The following SLC28A1 variants were observed in gnomAD, a reference collection of about 807,000 sequenced individuals.
SLC28A1 encodes solute carrier family 28 member 1, also known as sodium/nucleoside cotransporter 1.
A neutral mutation model predicts 74.8 loss-of-function variants in SLC28A1; 64 were observed. The observed-to-expected ratio is 0.86, with a 90% CI of 0.70 to 1.05. The LOEUF (loss-of-function observed/expected upper bound fraction) is 1.05, where lower values mean the gene tolerates loss of function less well. Among genes scored for constraint, SLC28A1 ranks in the 50% least tolerant of loss-of-function variants. SLC28A1 has a pLI of 0.00. For synonymous variants in SLC28A1, 359 were observed against 335.0 expected, an observed-to-expected ratio of 1.07 and a Z score of -0.78; for missense variants, 828 against 822.8, an observed-to-expected ratio of 1.01 and a Z score of -0.08.
chr15:84,896,229 T>C (rs1965981338), intron 6 of SLC28A1, among the ~76,000 whole-genome samples: 1 of 152,220 alleles, frequency 6.6e-6, no homozygotes, highest in Non-Finnish European at 1.5e-5. Flanking sequence ...GTACAAATCA[T>C]ATGTCTGCAT....
intron 1 of SLC28A1, chr15:84,886,177 T>C: frequency 2.0e-6 from 2 of 985,400 alleles, no homozygotes. Flanking sequence ...TGGTGTGATT[T>C]GGTTTTGTTT....
chr15:84,933,672 T>G (rs143039394), intron 13 of SLC28A1, among the ~76,000 whole-genome samples: 2 of 152,126 alleles, frequency 1.3e-5, no homozygotes, highest in East Asian at 3.9e-4. Context: ...CTCTTCTTCT[T>G]CTTAAGAAGC....
In SLC28A1 at chr15:84,926,809, G is replaced by GT. The variant is rs567451179; in HGVS notation, c.1083+2699_1083+2700insT. On this transcript the variant is annotated intron_variant, in intron 12 of 18. Transcript: ENST00000394573. ...TGTGTGGGGGGTGGGGGGAGGGGGG[G>GT]GGTGGTGGTAGGCGGTGACCAGAAA... 3.9e-3 allele frequency among the ~76,000 whole-genome samples: 556 copies of GT among 140,992 alleles called. 6 individuals carry two copies. Among genetic ancestry groups the GT allele is most frequent in the African/African-American group, 0.014 (516 of 38,202 alleles). The allele number at this position is 140,992 out of a possible 152,430, so 92.5% of individuals were successfully genotyped here.
chr15:84,895,799 C>T, intron 6 of SLC28A1: 1 of 1,167,862 alleles, frequency 8.6e-7, no homozygotes, highest in Non-Finnish European at 1.1e-6. Context: ...AGTCTGAAGA[C>T]CACCAGTCTA....
chr15:84,895,199 A>C, intron 6 of SLC28A1, 76 bp downstream of exon 6: 1 of 1,591,334 alleles, frequency 6.3e-7, no homozygotes, highest in Non-Finnish European at 8.6e-7. Context: ...GGTTATGGCC[A>C]GGGCTGGAGG....
chr15:84,961,432 A>C, the SLC28A1 span: 1 of 442,814 alleles, frequency 2.3e-6, no homozygotes, highest in South Asian at 1.6e-5. Flanking sequence ...CCTGGGCTCA[A>C]GGGATCTTCC....
chr15:84,898,168 C>T (rs1386913002), intron 6 of SLC28A1, among the ~76,000 whole-genome samples: 7 of 151,412 alleles, frequency 4.6e-5, no homozygotes, highest in Non-Finnish European at 1.0e-4. Context: ...GTGGAATTAC[C>T]GAATCATATG....
At chr15:84,925,069 T>TA (rs1970335351) in intron 12 of SLC28A1, among the ~76,000 whole-genome samples, 1 of 122,898 alleles carries the variant, frequency 8.1e-6, no homozygotes, top group Non-Finnish European at 1.7e-5. Context: ...CCCAGCTAGT[T>TA]TTTTTTTTTT....
At chr15:84,931,518 G>T (rs1039738193) in intron 12 of SLC28A1, among the ~76,000 whole-genome samples, 1 of 150,570 alleles carries the variant, frequency 6.6e-6, no homozygotes, top group African/African-American at 2.4e-5. Flanking sequence ...TGGGCGTGGT[G>T]GTGGGCGCCT....
intron 15 of SLC28A1, among the ~76,000 whole-genome samples, 169 bp downstream of exon 15, chr15:84,935,687 G>A (rs7169869): frequency 0.46 from 69,814 of 152,012 alleles, 16,859 homozygotes; most frequent in Middle Eastern, 0.66. Flanking sequence ...TTCAGGCTTC[G>A]CTGCCATCTT....
chr15:84,953,660 T>C, the SLC28A1 span, among the ~76,000 whole-genome samples: 1 of 152,194 alleles, frequency 6.6e-6, no homozygotes, highest in African/African-American at 2.4e-5. Context: ...AATGTGAGGC[T>C]ACAGTGAGCT....
At chr15:84,935,665 A>AC in intron 15 of SLC28A1, 147 bp downstream of exon 15, 1 of 691,654 alleles carries the variant, frequency 1.4e-6, no homozygotes, top group Non-Finnish European at 2.5e-6. Flanking sequence ...TAGTCCTGGG[A>AC]GACAGGACAG....
At chr15:84,919,121 T>C (rs1327210232) in intron 10 of SLC28A1, among the ~76,000 whole-genome samples, 1 of 152,278 alleles carries the variant, frequency 6.6e-6, no homozygotes, top group African/African-American at 2.4e-5. Context: ...GAGGCGGCAC[T>C]GAAAAGGTGT....
At chr15:84,950,678 C>A (rs2079389698), downstream of SLC28A1, among the ~76,000 whole-genome samples, 2 of 152,040 alleles carry the variant, frequency 1.3e-5, no homozygotes, top group African/African-American at 4.8e-5. Context: ...GCACTCCAGC[C>A]TGGGTGACAA....
chr15:84,950,873 C>T, the SLC28A1 span, among the ~76,000 whole-genome samples: 4 of 152,006 alleles, frequency 2.6e-5, no homozygotes, highest in African/African-American at 9.7e-5. Flanking sequence ...TTTCAGCTTT[C>T]GTGGGCCATA....
At chr15:84,956,785 G>A in the SLC28A1 span, among the ~76,000 whole-genome samples, 1 of 151,044 alleles carries the variant, frequency 6.6e-6, no homozygotes, top group Non-Finnish European at 1.5e-5. Flanking sequence ...GATTACAGAC[G>A]TGAGCTACTG....
intron 9 of SLC28A1, among the ~76,000 whole-genome samples, chr15:84,910,601 GC>G (rs539224894): frequency 6.6e-6 from 1 of 152,158 alleles, no homozygotes; most frequent in Non-Finnish European, 1.5e-5. Flanking sequence ...GGTGGTGCAT[GC>G]CTGTAATCCC....
chr15:84,887,247 T>G (rs925165781), intron 2 of SLC28A1: 10 of 424,498 alleles, frequency 2.4e-5, no homozygotes, highest in African/African-American at 2.1e-4. Flanking sequence ...GAAAGCTAGG[T>G]CCTCTCTTCA....
chr15:84,890,642 G>A (rs1178930412), intron 5 of SLC28A1, 108 bp downstream of exon 5: 1 of 927,050 alleles, frequency 1.1e-6, no homozygotes, highest in Admixed American at 2.0e-5. Flanking sequence ...AATGGTTGTT[G>A]AGCACCAACT....
Sources: gnomAD v4.1 joint callset for allele counts (sites outside exome capture counted in the v4.1 genomes callset) on GRCh38, gnomAD v4.1.1 for gene constraint, MANE v1.5 for transcripts, NCBI Gene and HGNC (gene_info 2026-07-23, HGNC 2026-07-21) for gene names.